PPFIA2: variants seen among roughly 807,000 people sequenced by gnomAD.
PPFIA2 encodes the protein liprin-alpha-2.
Under a neutral mutation model 175.5 loss-of-function variants are expected in PPFIA2, and 46 were observed. The observed-to-expected ratio is 0.26, with a 90% CI of 0.21 to 0.34. PPFIA2 has a LOEUF of 0.34. Among genes scored for constraint, PPFIA2 ranks in the 10% least tolerant of loss-of-function variants. The pLI is 1.00. For missense variants in PPFIA2, 1,179 were observed against 1,506.1 expected (o/e 0.78, Z 3.60); for synonymous variants, 568 against 511.4 (o/e 1.11, Z -1.49).
chr12:81,619,398 T>TC (rs2061774304), intron 4 of PPFIA2, among the ~76,000 whole-genome samples: 1 of 152,230 alleles, frequency 6.6e-6, no homozygotes, highest in Non-Finnish European at 1.5e-5. Flanking sequence ...TATCGTTTTT[T>TC]CTTCTCTAAA....
At chr12:81,703,593 C>G (rs2076754797) in intron 3 of PPFIA2, among the ~76,000 whole-genome samples, 1 of 152,110 alleles carries the variant, frequency 6.6e-6, no homozygotes, top group Non-Finnish European at 1.5e-5. Context: ...CTTGCTTCAG[C>G]AGACTTCTCT....
chr12:81,367,528 T>C (rs2033848932), intron 13 of PPFIA2, among the ~76,000 whole-genome samples: 1 of 151,680 alleles, frequency 6.6e-6, no homozygotes, highest in Admixed American at 6.6e-5. Context: ...CTTAGAGGTG[T>C]TATAAAAAAT....
intron 24 of PPFIA2, among the ~76,000 whole-genome samples, chr12:81,291,272 A>G (rs2044895394): frequency 6.6e-6 from 1 of 151,978 alleles, no homozygotes; most frequent in South Asian, 2.1e-4. Context: ...CTTAAATGCT[A>G]TAAACAATAT....
intron 23 of PPFIA2, 36 bp from the exon 24 acceptor site, chr12:81,295,071 A>G (rs374244933): frequency 1.3e-6 from 2 of 1,561,010 alleles, no homozygotes; most frequent in African/African-American, 1.4e-5. Flanking sequence ...ACAAATTATA[A>G]TAATAGTTAT....
chr12:81,460,411 C>G (rs2054320384), intron 4 of PPFIA2, among the ~76,000 whole-genome samples: 1 of 152,004 alleles, frequency 6.6e-6, no homozygotes, highest in African/African-American at 2.4e-5. Context: ...TATAAATTAC[C>G]CAGTCTCGGG....
At chr12:81,706,240 T>C (rs569484972) in intron 3 of PPFIA2, among the ~76,000 whole-genome samples, 31 of 152,260 alleles carry the variant, frequency 2.0e-4, no homozygotes, top group African/African-American at 7.5e-4. Context: ...TAAGGAAGCA[T>C]AAAAGTTTAA....
At chr12:81,750,771 G>T (rs2083655479) in intron 3 of PPFIA2, among the ~76,000 whole-genome samples, 1 of 152,044 alleles carries the variant, frequency 6.6e-6, no homozygotes, top group Non-Finnish European at 1.5e-5. Flanking sequence ...GAGAGAAAGT[G>T]ACTAAAGTAA....
chr12:81,573,966 A>G (rs1487467937), intron 4 of PPFIA2, among the ~76,000 whole-genome samples: 1 of 151,932 alleles, frequency 6.6e-6, no homozygotes, highest in African/African-American at 2.4e-5. Flanking sequence ...TTGGATTTGA[A>G]TCATTGACTT....
At chr12:81,437,437 G>A (rs1446272995) in intron 7 of PPFIA2, among the ~76,000 whole-genome samples, 1 of 152,130 alleles carries the variant, frequency 6.6e-6, no homozygotes, top group East Asian at 1.9e-4. Context: ...CACCGTGTTA[G>A]CCAGGATGGT....
At chr12:81,343,284 T>G (rs2093484805) in intron 19 of PPFIA2, among the ~76,000 whole-genome samples, 1 of 152,072 alleles carries the variant, frequency 6.6e-6, no homozygotes, top group Admixed American at 6.6e-5. Flanking sequence ...GAGACTACAT[T>G]TTCGTATAGA....
intron 3 of PPFIA2, among the ~76,000 whole-genome samples, chr12:81,689,872 C>T (rs774090963): frequency 6.6e-6 from 1 of 152,064 alleles, no homozygotes; most frequent in Non-Finnish European, 1.5e-5. Flanking sequence ...GCATACAATG[C>T]TAAGTTCCTT....
intron 4 of PPFIA2, among the ~76,000 whole-genome samples, chr12:81,669,007 G>T (rs569813076): frequency 6.6e-6 from 1 of 152,014 alleles, no homozygotes; most frequent in South Asian, 2.1e-4. Flanking sequence ...TGGTGGTCCA[G>T]CATTAAACCA....
intron 3 of PPFIA2, among the ~76,000 whole-genome samples, chr12:81,701,571 A>C (rs564311982): frequency 2.6e-4 from 39 of 152,290 alleles, no homozygotes; most frequent in African/African-American, 9.4e-4. Context: ...TATCTTAATT[A>C]AGTTATGTAA....
chr12:81,645,195 G>A (rs1357398146), intron 4 of PPFIA2, among the ~76,000 whole-genome samples: 1 of 151,690 alleles, frequency 6.6e-6, no homozygotes, highest in Admixed American at 6.6e-5. Context: ...AAGAGAGAAG[G>A]AAGGAAGGAA....
chr12:81,750,936 C>A (rs2083679792), intron 3 of PPFIA2, among the ~76,000 whole-genome samples: 1 of 152,042 alleles, frequency 6.6e-6, no homozygotes, highest in Non-Finnish European at 1.5e-5. Context: ...TGCTTTATTT[C>A]TGCCCCAAAA....
intron 24 of PPFIA2, among the ~76,000 whole-genome samples, chr12:81,293,712 C>T (rs538324452): frequency 2.0e-4 from 31 of 151,878 alleles, no homozygotes; most frequent in African/African-American, 7.2e-4. Flanking sequence ...TTAATACAAC[C>T]TCTATGGAAG....
chr12:81,703,651 C>T (rs1567928641), intron 3 of PPFIA2, among the ~76,000 whole-genome samples: 1 of 152,004 alleles, frequency 6.6e-6, no homozygotes, highest in Non-Finnish European at 1.5e-5. Context: ...TGAAATAAAG[C>T]CCAATTTCCT....
intron 4 of PPFIA2, among the ~76,000 whole-genome samples, chr12:81,617,240 A>C (rs2153475843): frequency 6.6e-6 from 1 of 152,276 alleles, no homozygotes; most frequent in Non-Finnish European, 1.5e-5. Flanking sequence ...ATTGTGTTGA[A>C]TTTGTCCCTT....
chr12:81,422,040 G>GTATATATATATACATA (rs2046326184), intron 7 of PPFIA2, among the ~76,000 whole-genome samples: 1 of 145,642 alleles, frequency 6.9e-6, no homozygotes, highest in Admixed American at 6.9e-5. Flanking sequence ...ATATAAACAG[G>GTATATATATATACATA]TATATATATA....
Sources: allele counts gnomAD v4.1 joint callset (sites outside exome capture counted in the v4.1 genomes callset), GRCh38; gene constraint gnomAD v4.1.1; transcripts MANE v1.5; gene names NCBI Gene and HGNC (gene_info 2026-07-23, HGNC 2026-07-21).